Variants in NIBAN1 observed in about 807,000 individuals in gnomAD.
NIBAN1 encodes the protein niban apoptosis regulator 1.
A neutral mutation model predicts 75.1 loss-of-function variants in NIBAN1; 81 were observed. The ratio of observed to expected loss-of-function variants is 1.08; its 90% CI spans 0.90 to 1.30. NIBAN1 has a LOEUF of 1.30. Among genes scored for constraint, NIBAN1 ranks in the 50% most tolerant of loss-of-function variants. The pLI, the probability that NIBAN1 is intolerant of heterozygous loss-of-function variation, is 0.00. For synonymous variants in NIBAN1, 436 were observed against 424.8 expected, an observed-to-expected ratio of 1.03 and a Z score of -0.32; for missense variants, 1,133 against 1,128.1, an observed-to-expected ratio of 1.00 and a Z score of -0.06.
At chr1:184,851,806 A>G (rs1283437442) in intron 5 of NIBAN1, among the ~76,000 whole-genome samples, 1 of 151,756 alleles carries the variant, frequency 6.6e-6, no homozygotes, top group Non-Finnish European at 1.5e-5. Flanking sequence ...TACACTGTTA[A>G]TTATCCTTAG....
chr1:184,957,982 A>G (rs1187584580), intron 1 of NIBAN1, among the ~76,000 whole-genome samples: 1 of 152,194 alleles, frequency 6.6e-6, no homozygotes, highest in Non-Finnish European at 1.5e-5. Context: ...TAAATTCCAT[A>G]TTAGGTGTTG....
At chr1:184,839,844 G>A (rs1180898789) in intron 5 of NIBAN1, among the ~76,000 whole-genome samples, 3 of 152,022 alleles carry the variant, frequency 2.0e-5, no homozygotes, top group South Asian at 2.1e-4. Flanking sequence ...TGATCCACCC[G>A]CCTTGGCCTC....
chr1:184,818,589 C>T (rs765655467), intron 9 of NIBAN1, 49 bp downstream of exon 9: 18 of 1,470,498 alleles, frequency 1.2e-5, no homozygotes, highest in Non-Finnish European at 1.6e-5. Flanking sequence ...CCATGGAAAA[C>T]ACAGCCAGGC....
chr1:184,876,904 A>G (rs1656248119), intron 5 of NIBAN1, among the ~76,000 whole-genome samples: 1 of 152,190 alleles, frequency 6.6e-6, no homozygotes, highest in Non-Finnish European at 1.5e-5. Context: ...AAGCAAAAAT[A>G]ACCTTGGTGC....
intron 13 of NIBAN1, among the ~76,000 whole-genome samples, chr1:184,796,634 G>A (rs1207858192): frequency 6.6e-6 from 1 of 152,126 alleles, no homozygotes; most frequent in African/African-American, 2.4e-5. Context: ...CCTCCAGAGG[G>A]GCAAATCCAA....
At position 184,973,320 on chromosome 1, in the gene NIBAN1, A is replaced by G. The variant is rs78052354; in HGVS notation, c.55+982T>C. Among the ~76,000 whole-genome samples the G allele has an allele frequency of 5.6e-3, 849 of 152,334 alleles. 18 individuals are homozygous for G. The highest frequency in any genetic ancestry group is 0.053 in the South Asian group (254 of 4,824). On this transcript the variant is annotated intron_variant, in intron 1 of 13. Coordinates refer to ENST00000367511, the MANE Select transcript of NIBAN1 (RefSeq NM_052966.4). ...TTGTGGTGACTGAAAACAAATGTGG[A>G]ATAAGAACACCAAATAAATGATTTC...
At chr1:184,967,031 A>G (rs1014107550) in intron 1 of NIBAN1, among the ~76,000 whole-genome samples, 2 of 152,214 alleles carry the variant, frequency 1.3e-5, no homozygotes, top group African/African-American at 4.8e-5. Context: ...CTCTTTTCTA[A>G]GTGAGAAAAA....
In NIBAN1 at chr1:184,899,998, T is replaced by C. The variant is rs1054304881; in HGVS notation, c.56-689A>G. ...TGCTCAGCTAATTTTGTATTTTTAGTAGAGATGGGGTTTCTCCATGTTGGT... is the reference window on the plus strand; with the variant it reads ...TGCTCAGCTAATTTTGTATTTTTAGCAGAGATGGGGTTTCTCCATGTTGGT... On this transcript the variant is annotated intron_variant, in intron 1 of 13. Coordinates refer to ENST00000367511, the MANE Select transcript of NIBAN1 (RefSeq NM_052966.4). Among the ~76,000 whole-genome samples, 7 of 152,084 alleles carry C rather than the reference T, an allele frequency of 4.6e-5. No individual in the cohort carries two copies. In the East Asian group the frequency reaches 1.4e-3, roughly 30 times the overall value.
At chr1:184,944,552 C>T (rs973509920) in intron 1 of NIBAN1, among the ~76,000 whole-genome samples, 26 of 152,322 alleles carry the variant, frequency 1.7e-4, no homozygotes, top group Admixed American at 4.6e-4. Flanking sequence ...CAGGAATGGA[C>T]TTTGGGTAGG....
chr1:184,931,263 G>C lies in NIBAN1; in HGVS notation c.56-31954C>G, dbSNP rs575328844. On this transcript the variant is annotated intron_variant, in intron 1 of 13. Transcript: ENST00000367511. Reference sequence around the variant, plus strand: ...GATCCACCCACCTCGGCCTCCCAAAGTGCTGGGATTACAGGCGTGAGCCAC... The same window carrying C: ...GATCCACCCACCTCGGCCTCCCAAACTGCTGGGATTACAGGCGTGAGCCAC... Among the ~76,000 whole-genome samples, 14 of 152,238 alleles carry C rather than the reference G, an allele frequency of 9.2e-5. No homozygotes were observed. The South Asian group carries it at 2.7e-3, about 29-fold the overall frequency.
At chr1:184,880,240 C>T (rs1656342393) in intron 5 of NIBAN1, among the ~76,000 whole-genome samples, 1 of 152,196 alleles carries the variant, frequency 6.6e-6, no homozygotes, top group Non-Finnish European at 1.5e-5. Flanking sequence ...TTGACAAATG[C>T]CTTCCCTCAC....
At chr1:184,974,007 G>C (rs1413418760) in intron 1 of NIBAN1, among the ~76,000 whole-genome samples, 1 of 152,176 alleles carries the variant, frequency 6.6e-6, no homozygotes, top group Non-Finnish European at 1.5e-5. Context: ...AGGGCGAAGT[G>C]CGCCGGGCGG....
chr1:184,900,317 G>A (rs1178113094), intron 1 of NIBAN1, among the ~76,000 whole-genome samples: 1 of 152,108 alleles, frequency 6.6e-6, no homozygotes, highest in Non-Finnish European at 1.5e-5. Flanking sequence ...CCTGAGCTCT[G>A]GTCTCGATTC....
At chr1:184,809,631 A>ATG (rs10550039) in intron 9 of NIBAN1, among the ~76,000 whole-genome samples, 13 of 144,468 alleles carry the variant, frequency 9.0e-5, no homozygotes, top group South Asian at 2.1e-4. Context: ...ACACATATAT[A>ATG]TGTGTGTGTG....
At chr1:184,945,850 C>T (rs1022532322) in intron 1 of NIBAN1, among the ~76,000 whole-genome samples, 16 of 152,130 alleles carry the variant, frequency 1.1e-4, no homozygotes, top group African/African-American at 2.4e-5. Context: ...GTGGGAAGAG[C>T]GTTCTGAATG....
In NIBAN1 at chr1:184,883,871, C is replaced by T. The variant is rs534155857; in HGVS notation, c.601+762G>A. The stretch of plus-strand genomic sequence containing the variant: ...GATTACCACGGACCGTGCCACTCAT[C>T]TTAACTGAGTAACTGTTATTCAGAA... On this transcript the variant is annotated intron_variant, in intron 5 of 13. Transcript: ENST00000367511. 3.3e-5 allele frequency among the ~76,000 whole-genome samples: 5 copies of T among 152,194 alleles called. No individual in the cohort carries two copies. The East Asian group carries it at 9.6e-4, about 29-fold the overall frequency.
Position 184,815,307 on chromosome 1 carries a change from G to A in NIBAN1, c.1173+3331C>T, listed in dbSNP as rs534933450. ...TTCATAATCTAGAACCTGAAGATTA[G>A]ATCTTCTGAAAACATCAGAGAAAGA... is the stretch of plus-strand genomic sequence containing the variant. On this transcript the variant is annotated intron_variant, in intron 9 of 13. Coordinates refer to ENST00000367511, the MANE Select transcript of NIBAN1 (RefSeq NM_052966.4). Among the ~76,000 whole-genome samples, 29 of 152,250 alleles carry A rather than the reference G, an allele frequency of 1.9e-4. 1 individual carries two copies. In the South Asian group the frequency reaches 6.0e-3, roughly 32 times the overall value.
At chr1:184,845,265 C>G (rs550132676) in intron 5 of NIBAN1, among the ~76,000 whole-genome samples, 1 of 152,326 alleles carries the variant, frequency 6.6e-6, no homozygotes, top group Non-Finnish European at 1.5e-5. Context: ...AAACGCTAAG[C>G]ATTTACAATT....
At chr1:184,923,789 T>G (rs916533305) in intron 1 of NIBAN1, among the ~76,000 whole-genome samples, 7 of 146,748 alleles carry the variant, frequency 4.8e-5, no homozygotes, top group African/African-American at 1.5e-4. Flanking sequence ...CTTTCACTTC[T>G]TTTGGTTAAT....
Sources: gnomAD v4.1 joint callset for allele counts (sites outside exome capture counted in the v4.1 genomes callset) on GRCh38, gnomAD v4.1.1 for gene constraint, MANE v1.5 for transcripts, NCBI Gene and HGNC (gene_info 2026-07-23, HGNC 2026-07-21) for gene names.